The following BMPR2 variants were observed in gnomAD, a reference collection of about 807,000 sequenced individuals.
BMPR2 encodes the protein bone morphogenetic protein receptor type-2.
In BMPR2, 29 loss-of-function variants were observed where a neutral mutation model predicts 100.8. The ratio of observed to expected loss-of-function variants is 0.29; its 90% CI spans 0.21 to 0.39. The LOEUF (loss-of-function observed/expected upper bound fraction) is 0.39. Ranked by LOEUF, BMPR2 falls within the 10% of genes least tolerant of loss-of-function variation. The pLI is 1.00. For missense variants in BMPR2, 1,011 were observed against 1,274.5 expected (o/e 0.79, Z 3.15); for synonymous variants, 382 against 442.3 (o/e 0.86, Z 1.71).
chr2:202,381,196 A>G (rs940940193), intron 1 of BMPR2, among the ~76,000 whole-genome samples: 2 of 150,968 alleles, frequency 1.3e-5, no homozygotes, highest in African/African-American at 2.4e-5. Context: ...GCTGATCTCA[A>G]ACTCCTGACC....
chr2:202,480,953 T>TAA (rs71035011), intron 3 of BMPR2, among the ~76,000 whole-genome samples: 4,249 of 43,312 alleles, frequency 0.098, 508 homozygotes, highest in African/African-American at 0.11. Context: ...AGACTCCGTC[T>TAA]AAAAAAAAAA....
intron 3 of BMPR2, among the ~76,000 whole-genome samples, chr2:202,486,072 A>G (rs1380636184): frequency 6.6e-6 from 1 of 152,090 alleles, no homozygotes; most frequent in Non-Finnish European, 1.5e-5. Flanking sequence ...ATTAATGCCA[A>G]TAGCCCTCTA....
At chr2:202,391,961 C>G (rs539383161) in intron 1 of BMPR2, among the ~76,000 whole-genome samples, 17 of 152,052 alleles carry the variant, frequency 1.1e-4, no homozygotes, top group Middle Eastern at 3.4e-3. Context: ...GAGGTTTCAC[C>G]ATATTGCCCG....
intron 3 of BMPR2, among the ~76,000 whole-genome samples, chr2:202,468,793 G>A (rs551397933): frequency 2.0e-5 from 3 of 152,002 alleles, no homozygotes; most frequent in East Asian, 1.9e-4. Flanking sequence ...GATTTTCACC[G>A]GTAATATTAG....
Position 202,495,401 on chromosome 2 carries a change from C to A in BMPR2, c.419-18318C>A, listed in dbSNP as rs192529521. 3.3e-5 allele frequency among the ~76,000 whole-genome samples: 5 copies of A among 152,230 alleles called. No homozygotes were observed. Among genetic ancestry groups the A allele is most frequent in the Non-Finnish European group, 7.3e-5 (5 of 68,046 alleles). On this transcript the variant is annotated intron_variant, in intron 3 of 12. Coordinates refer to ENST00000374580, the MANE Select transcript of BMPR2 (RefSeq NM_001204.7). The surrounding 1 kb of genome is among the most constrained non-coding windows in gnomAD (Gnocchi z 4.5). The stretch of plus-strand genomic sequence containing the variant: ...CGTTGTCGTTCTGTCGACGGCCTGC[C>A]GGCGTGCGGGTGCCTATCGTTGTGC...
chr2:202,411,682 C>T (rs1032016289), intron 1 of BMPR2, among the ~76,000 whole-genome samples: 6 of 152,114 alleles, frequency 3.9e-5, no homozygotes, highest in African/African-American at 9.7e-5. Flanking sequence ...TTATTTAACA[C>T]GTCAGATGCT....
intron 1 of BMPR2, among the ~76,000 whole-genome samples, chr2:202,448,927 G>A (rs1691914901): frequency 1.6e-5 from 1 of 63,772 alleles, no homozygotes; most frequent in East Asian, 2.8e-4. Context: ...TAGAATTGGT[G>A]TGTGTGTGTG....
At chr2:202,467,342 T>C (rs777968284) in intron 2 of BMPR2, among the ~76,000 whole-genome samples, 177 bp from the exon 3 acceptor site, 1 of 152,230 alleles carries the variant, frequency 6.6e-6, no homozygotes, top group Non-Finnish European at 1.5e-5. Flanking sequence ...ATGAAATGTC[T>C]TTGGTATCCT....
At chr2:202,479,037 G>A (rs1282874271) in intron 3 of BMPR2, among the ~76,000 whole-genome samples, 3 of 152,196 alleles carry the variant, frequency 2.0e-5, no homozygotes, top group Non-Finnish European at 4.4e-5. Flanking sequence ...TCTCACCCTT[G>A]TGTAATCCTG....
intron 4 of BMPR2, 25 bp downstream of exon 4, chr2:202,513,854 ATTG>A (rs1482999920): frequency 1.3e-6 from 2 of 1,511,940 alleles, no homozygotes; most frequent in Non-Finnish European, 9.2e-7. Flanking sequence ...TTTTTGTCCT[ATTG>A]TTTATTAAAC....
rs1044641438 is a variant in BMPR2, at chr2:202,495,352, G to C, written c.419-18367G>C. Among the ~76,000 whole-genome samples, 1 of 152,208 alleles carries C rather than the reference G, an allele frequency of 6.6e-6. No homozygotes were observed. Among genetic ancestry groups the C allele is most frequent in the African/African-American group, 2.4e-5 (1 of 41,454 alleles). On this transcript the variant is annotated intron_variant, in intron 3 of 12. Transcript: ENST00000374580. The surrounding 1 kb of genome is among the most constrained non-coding windows in gnomAD (Gnocchi z 4.5). ...CGCTTGGTGGCCAGGGCTCTCCTCC[G>C]TCTGCCCCAGCCAAACTCCGCGTCG...
intron 1 of BMPR2, among the ~76,000 whole-genome samples, chr2:202,438,766 C>G (rs115353364): frequency 6.6e-6 from 1 of 150,548 alleles, no homozygotes. Context: ...AAAATCAGTT[C>G]ACCATATATA....
At chr2:202,381,056 C>T (rs1365411875) in intron 1 of BMPR2, among the ~76,000 whole-genome samples, 1 of 143,620 alleles carries the variant, frequency 7.0e-6, no homozygotes, top group Non-Finnish European at 1.5e-5. Context: ...CTCACTGCAA[C>T]CTCTGCCTCC....
At chr2:202,531,938 T>A (rs1688038439) in intron 8 of BMPR2, among the ~76,000 whole-genome samples, 1 of 122,646 alleles carries the variant, frequency 8.2e-6, no homozygotes, top group Non-Finnish European at 1.7e-5. Flanking sequence ...GTATTTTTTT[T>A]TTTTTTTTTT....
chr2:202,384,824 C>G (rs1185559518), intron 1 of BMPR2, among the ~76,000 whole-genome samples: 1 of 151,968 alleles, frequency 6.6e-6, no homozygotes, highest in Non-Finnish European at 1.5e-5. Context: ...AACTCCCGAC[C>G]TCAGGTAATC....
At chr2:202,436,117 C>T (rs2105935188) in intron 1 of BMPR2, among the ~76,000 whole-genome samples, 2 of 150,906 alleles carry the variant, frequency 1.3e-5, no homozygotes, top group Middle Eastern at 6.8e-3. Flanking sequence ...AATGGTACAT[C>T]ACTGGTAATA....
chr2:202,550,816 T>A (rs1429108560), intron 10 of BMPR2, among the ~76,000 whole-genome samples: 1 of 152,124 alleles, frequency 6.6e-6, no homozygotes, highest in Non-Finnish European at 1.5e-5. Flanking sequence ...TTTTTGTTTT[T>A]AAAAAGGAGT....
At chr2:202,524,228 G>C (rs1251148646) in intron 7 of BMPR2, among the ~76,000 whole-genome samples, 1 of 152,014 alleles carries the variant, frequency 6.6e-6, no homozygotes, top group Non-Finnish European at 1.5e-5. Context: ...CGGGTGTGGT[G>C]GTGGGCGCCT....
chr2:202,456,619 A>G lies in BMPR2; in HGVS notation c.77-8190A>G, dbSNP rs1343365359. On this transcript the variant is annotated intron_variant, in intron 1 of 12. Coordinates refer to ENST00000374580, the MANE Select transcript of BMPR2 (RefSeq NM_001204.7). ...AACCTCTGCCTCCTGAGTTCAAGCA[A>G]TTCTTCTGCCTCAGCCTCCCAAGTA... 5.3e-5 allele frequency among the ~76,000 whole-genome samples: 8 copies of G among 150,876 alleles called. No homozygotes were observed. In the Admixed American group the frequency reaches 5.3e-4, roughly 10 times the overall value.
Sources: allele counts gnomAD v4.1 joint callset (sites outside exome capture counted in the v4.1 genomes callset), GRCh38; gene constraint gnomAD v4.1.1; non-coding constraint Gnocchi (gnomAD v3.1); transcripts MANE v1.5; gene names NCBI Gene and HGNC (gene_info 2026-07-23, HGNC 2026-07-21).